MLLT10: variants seen among roughly 807,000 people sequenced by gnomAD.
MLLT10 encodes MLLT10 histone lysine methyltransferase DOT1L cofactor.
A neutral mutation model predicts 129.1 loss-of-function variants in MLLT10; 30 were observed. The ratio of observed to expected loss-of-function variants is 0.23; its 90% CI spans 0.17 to 0.32. The LOEUF is 0.32. Ranked by LOEUF, MLLT10 falls within the 10% of genes least tolerant of loss-of-function variation. MLLT10 has a pLI of 1.00. For synonymous variants in MLLT10, 490 were observed against 446.4 expected, an observed-to-expected ratio of 1.10 and a Z score of -1.23; for missense variants, 1,119 against 1,268.3, an observed-to-expected ratio of 0.88 and a Z score of 1.79.
Position 21,545,469 on chromosome 10 carries a change from A to G in MLLT10, c.240+6557A>G, listed in dbSNP as rs182298125. 2.1e-3 allele frequency among the ~76,000 whole-genome samples: 324 copies of G among 152,304 alleles called. 3 individuals carry two copies. The highest frequency in any genetic ancestry group is 7.4e-3 in the African/African-American group (309 of 41,574). On this transcript the variant is annotated intron_variant, in intron 3 of 22. Coordinates refer to ENST00000307729, the MANE Select transcript of MLLT10 (RefSeq NM_001195626.3). ...GCTAATACAGCTTCCTGGTTTGGGT[A>G]GAACCCTGGTTGTAGGGCATGGAAG...
rs149248976 is a variant in MLLT10 at position 21,719,960 on chromosome 10, T to C, written c.1878+6010T>C. Reference sequence around the variant, plus strand: ...TTTAGCCAGTATATATATTCAGCTGTGGATTAAGGTCTTTCCCAGTTCCAA... The same window carrying C: ...TTTAGCCAGTATATATATTCAGCTGCGGATTAAGGTCTTTCCCAGTTCCAA... On this transcript the variant is annotated intron_variant, in intron 14 of 22. Coordinates refer to ENST00000307729, the MANE Select transcript of MLLT10 (RefSeq NM_001195626.3). Among the ~76,000 whole-genome samples, 753 of 152,316 alleles carry C rather than the reference T, an allele frequency of 4.9e-3. 9 individuals carry two copies. Among genetic ancestry groups the C allele is most frequent in the African/African-American group, 0.017 (715 of 41,570 alleles).
At chr10:21,735,917 C>T (rs747467493) in intron 21 of MLLT10, among the ~76,000 whole-genome samples, 2 of 151,970 alleles carry the variant, frequency 1.3e-5, no homozygotes, top group African/African-American at 2.4e-5. Flanking sequence ...AAGCCACTGG[C>T]GAGTTTTTAA....
chr10:21,584,754 GTA>G (rs765481679), intron 3 of MLLT10, among the ~76,000 whole-genome samples: 13 of 150,744 alleles, frequency 8.6e-5, no homozygotes, highest in East Asian at 1.9e-4. Context: ...TATAGTGTGT[GTA>G]TATATATATA....
chr10:21,608,618 CTCT>C (rs1199698304), intron 5 of MLLT10, among the ~76,000 whole-genome samples: 5 of 151,578 alleles, frequency 3.3e-5, no homozygotes, highest in East Asian at 1.9e-4. Flanking sequence ...ATCTCCCTTT[CTCT>C]TCTTCTGGTT....
intron 4 of MLLT10, among the ~76,000 whole-genome samples, chr10:21,590,379 A>G (rs2042382478): frequency 6.6e-6 from 1 of 150,774 alleles, no homozygotes; most frequent in Middle Eastern, 3.2e-3. Flanking sequence ...TTGCTCTGTC[A>G]CTCAAGCTGG....
intron 12 of MLLT10, among the ~76,000 whole-genome samples, 158 bp from the exon 13 acceptor site, chr10:21,682,067 G>A (rs1247013915): frequency 6.6e-6 from 1 of 152,142 alleles, no homozygotes; most frequent in Non-Finnish European, 1.5e-5. Context: ...TTTATACCAT[G>A]TAAAAATGGA....
At chr10:21,689,602 TA>T (rs2053644787) in intron 13 of MLLT10, among the ~76,000 whole-genome samples, 2 of 79,410 alleles carry the variant, frequency 2.5e-5, no homozygotes, top group Non-Finnish European at 6.1e-5. Context: ...GTGTGTGTTT[TA>T]TATATATATA....
At chr10:21,619,455 G>C (rs989155034) in intron 8 of MLLT10, among the ~76,000 whole-genome samples, 1 of 152,106 alleles carries the variant, frequency 6.6e-6, no homozygotes, top group Non-Finnish European at 1.5e-5. Context: ...TTATGGTGTT[G>C]AATGAATATA....
At chr10:21,702,819 C>T (rs911894044) in intron 13 of MLLT10, among the ~76,000 whole-genome samples, 1 of 152,046 alleles carries the variant, frequency 6.6e-6, no homozygotes, top group African/African-American at 2.4e-5. Context: ...TGCATCCTTA[C>T]AGGTGAAGTG....
chr10:21,666,516 A>C (rs950668499), intron 9 of MLLT10, among the ~76,000 whole-genome samples: 4 of 152,050 alleles, frequency 2.6e-5, no homozygotes, highest in Admixed American at 6.6e-5. Context: ...CACAAAAATT[A>C]GCTGGGCATG....
chr10:21,739,664 T>C (rs1267980566), intron 21 of MLLT10, among the ~76,000 whole-genome samples: 3 of 152,298 alleles, frequency 2.0e-5, no homozygotes, highest in East Asian at 3.9e-4. Flanking sequence ...GAAAGCACCC[T>C]AATGACAGGC....
chr10:21,643,008 T>C (rs1243184), intron 8 of MLLT10, among the ~76,000 whole-genome samples: 37,957 of 152,122 alleles, frequency 0.25, 5,874 homozygotes, highest in Middle Eastern at 0.49. Context: ...TTTCCTGCTA[T>C]CCAGGTTGTT....
chr10:21,594,769 G>C (rs1349360801), intron 4 of MLLT10, among the ~76,000 whole-genome samples: 1 of 151,236 alleles, frequency 6.6e-6, no homozygotes, highest in Non-Finnish European at 1.5e-5. Flanking sequence ...GGGAGGCGGA[G>C]GTTGCGGTGA....
intron 8 of MLLT10, among the ~76,000 whole-genome samples, chr10:21,620,398 G>A (rs1003589231): frequency 1.3e-5 from 2 of 152,154 alleles, no homozygotes; most frequent in Non-Finnish European, 2.9e-5. Flanking sequence ...CTGTACACTG[G>A]TATGAAAACT....
At chr10:21,730,113 C>T (rs1004913671) in intron 16 of MLLT10, among the ~76,000 whole-genome samples, 7 of 151,678 alleles carry the variant, frequency 4.6e-5, no homozygotes, top group African/African-American at 1.7e-4. Flanking sequence ...CCTGCCCAAC[C>T]TCCCCCACCG....
intron 5 of MLLT10, among the ~76,000 whole-genome samples, chr10:21,611,499 T>G (rs1564505539): frequency 1.3e-5 from 2 of 152,220 alleles, no homozygotes; most frequent in Non-Finnish European, 1.5e-5. Flanking sequence ...AATTAGTTTC[T>G]TTTTCAACAT....
intron 4 of MLLT10, among the ~76,000 whole-genome samples, chr10:21,591,872 C>G (rs1215262138): frequency 6.6e-6 from 1 of 151,948 alleles, no homozygotes; most frequent in Non-Finnish European, 1.5e-5. Context: ...AGGCACACAC[C>G]ACAACACTCA....
intron 9 of MLLT10, among the ~76,000 whole-genome samples, chr10:21,657,392 C>CAAA (rs904471815): frequency 1.1e-3 from 53 of 49,696 alleles, no homozygotes; most frequent in East Asian, 1.9e-3. Flanking sequence ...GACTCTGTCT[C>CAAA]AAAAAAAAAA....
At chr10:21,663,184 C>A (rs1331108400) in intron 9 of MLLT10, among the ~76,000 whole-genome samples, 1 of 152,166 alleles carries the variant, frequency 6.6e-6, no homozygotes, top group Non-Finnish European at 1.5e-5. Context: ...GTAAAATTCA[C>A]AAAAGTGTGA....
Sources: gnomAD v4.1 joint callset for allele counts (sites outside exome capture counted in the v4.1 genomes callset) on GRCh38, gnomAD v4.1.1 for gene constraint, MANE v1.5 for transcripts, NCBI Gene and HGNC (gene_info 2026-07-23, HGNC 2026-07-21) for gene names.